Variants in DOCK5 observed in about 807,000 individuals in gnomAD.
DOCK5 encodes dedicator of cytokinesis protein 5.
A neutral mutation model predicts 251.8 loss-of-function variants in DOCK5; 142 were observed. The observed-to-expected ratio is 0.56, with a 90% CI of 0.49 to 0.65. The LOEUF (loss-of-function observed/expected upper bound fraction) is 0.65, where lower values mean the gene tolerates loss of function less well. DOCK5 is among the 30% of genes least tolerant of loss of function. The probability of loss-of-function intolerance (pLI) is 0.00; values close to 1 mark genes in which losing one functional copy is unlikely to be tolerated. For synonymous variants in DOCK5, 842 were observed against 835.5 expected (o/e 1.01, Z -0.13); for missense variants, 2,111 against 2,312.3 (o/e 0.91, Z 1.79).
intron 40 of DOCK5, among the ~76,000 whole-genome samples, chr8:25,383,008 G>C (rs1275339823): frequency 6.6e-6 from 1 of 152,136 alleles, no homozygotes; most frequent in African/African-American, 2.4e-5. Flanking sequence ...CAGTGAAAAA[G>C]GGAAAAACAG....
intron 9 of DOCK5, among the ~76,000 whole-genome samples, chr8:25,301,688 T>C (rs889720678): frequency 9.0e-6 from 1 of 111,532 alleles, no homozygotes; most frequent in Non-Finnish European, 1.9e-5. Context: ...CTGGATAACA[T>C]AGGGAGACCT....
At chr8:25,314,252 C>T (rs1554480930) in intron 13 of DOCK5, among the ~76,000 whole-genome samples, 1 of 151,438 alleles carries the variant, frequency 6.6e-6, no homozygotes, top group Non-Finnish European at 1.5e-5. Context: ...GCCAGGACTA[C>T]AAGCATGAGC....
chr8:25,382,799 C>A, intron 40 of DOCK5, 21 bp downstream of exon 40: 1 of 1,581,894 alleles, frequency 6.3e-7, no homozygotes, highest in South Asian at 1.1e-5. Flanking sequence ...TGATGGTGGT[C>A]TCCCAGGCCA....
At chr8:25,397,634 A>G (rs182140157) in intron 45 of DOCK5, among the ~76,000 whole-genome samples, 2 of 152,348 alleles carry the variant, frequency 1.3e-5, no homozygotes, top group African/African-American at 2.4e-5. Context: ...AAATACTGTA[A>G]TACTTTCAGT....
chr8:25,219,300 C>T (rs1236650238), intron 1 of DOCK5, among the ~76,000 whole-genome samples: 1 of 152,154 alleles, frequency 6.6e-6, no homozygotes, highest in Non-Finnish European at 1.5e-5. Context: ...TCTATGTCCT[C>T]CAATATATCC....
At chr8:25,388,591 G>T (rs1176253773) in intron 40 of DOCK5, among the ~76,000 whole-genome samples, 1 of 152,220 alleles carries the variant, frequency 6.6e-6, no homozygotes, top group Non-Finnish European at 1.5e-5. Context: ...TTCTGTGCCA[G>T]AAGACACATT....
intron 5 of DOCK5, among the ~76,000 whole-genome samples, chr8:25,291,586 G>A (rs1250387491): frequency 1.3e-5 from 2 of 151,596 alleles, no homozygotes; most frequent in Non-Finnish European, 2.9e-5. Flanking sequence ...AGGAGGCTGA[G>A]GCAGGAGAAT....
chr8:25,260,386 A>G (rs976657818), intron 2 of DOCK5, among the ~76,000 whole-genome samples: 6 of 151,486 alleles, frequency 4.0e-5, no homozygotes, highest in Non-Finnish European at 8.8e-5. Context: ...CACACACATA[A>G]TGCAGGTGTA....
intron 1 of DOCK5, among the ~76,000 whole-genome samples, chr8:25,191,283 A>G (rs1174419821): frequency 1.3e-5 from 2 of 152,322 alleles, no homozygotes; most frequent in East Asian, 3.9e-4. Context: ...AAAGTGCGAT[A>G]TGGCCACCGA....
At chr8:25,190,767 T>C (rs1480888019) in intron 1 of DOCK5, among the ~76,000 whole-genome samples, 1 of 140,194 alleles carries the variant, frequency 7.1e-6, no homozygotes, top group Non-Finnish European at 1.5e-5. Context: ...GGCCTTAACT[T>C]GGTCATGGGT....
chr8:25,268,737 A>G (rs1803829150), intron 2 of DOCK5, 108 bp from the exon 3 acceptor site: 1 of 879,564 alleles, frequency 1.1e-6, no homozygotes, highest in Non-Finnish European at 1.7e-6. Context: ...GTCTCTGTCA[A>G]CTGTTGTATC....
At chr8:25,363,728 C>G (rs529617118) in intron 29 of DOCK5, among the ~76,000 whole-genome samples, 5 of 152,226 alleles carry the variant, frequency 3.3e-5, no homozygotes, top group Non-Finnish European at 7.3e-5. Flanking sequence ...TGTATGCTAC[C>G]TGTACTCCAA....
At chr8:25,392,119 C>A in intron 43 of DOCK5, 139 bp downstream of exon 43, 1 of 761,340 alleles carries the variant, frequency 1.3e-6, no homozygotes. Context: ...CTGGCTAATA[C>A]GGTGAAACCC....
In DOCK5 at chr8:25,414,889, T is replaced by C. The variant is rs1428739374; in HGVS notation, c.*3591T>C. 3 of 129,010 alleles carry C rather than the reference T, an allele frequency of 2.3e-5. No homozygotes were observed. Among genetic ancestry groups the C allele is most frequent in the African/African-American group, 8.3e-5 (3 of 35,948 alleles). The allele number at this position is 129,010 out of a possible 1,614,324, so 8.0% of individuals were successfully genotyped here. ...GTGCACCTTTTAACAAGTCAATTTG[T>C]AGTCAGTCCCTGGGCCTGTCTTTTT... On this transcript the variant is annotated 3_prime_UTR_variant, in exon 52 of 52. Transcript: ENST00000276440.
intron 1 of DOCK5, among the ~76,000 whole-genome samples, chr8:25,187,797 C>T (rs114813694): frequency 1.2e-4 from 19 of 152,254 alleles, no homozygotes; most frequent in African/African-American, 4.6e-4. Context: ...TCCTTTGGGA[C>T]TTTGCTCCCA....
rs1801553413 is a variant in DOCK5 at position 25,408,039 on chromosome 8, A to G, written c.5150A>G (p.Asp1717Gly). 6.2e-7 allele frequency: 1 copy of G among 1,612,216 alleles called. No homozygotes were observed. Among genetic ancestry groups the G allele is most frequent in the Non-Finnish European group, 8.5e-7 (1 of 1,179,182 alleles). ...GCCTCGTCAGGTGCCAGAGTTGAAG[A>G]TCTGTCCCTTAGAGAGGAGAACAGC... Reference protein sequence around the residue: ...RRASSGARVEDLSLREENSEN... With the variant: ...RRASSGARVEGLSLREENSEN... The change falls in exon 49 of 52, where the codon GAT (aspartate) becomes GGT (glycine). Residue 1717 changes from aspartate (D) to glycine (G), a missense_variant. Around this residue, in one of 3 missense-constraint regions of DOCK5, gnomAD observed 1,717 missense variants for 1,892.4 expected, o/e 0.91. Coordinates refer to ENST00000276440, the MANE Select transcript of DOCK5 (RefSeq NM_024940.8).
Position 25,369,611 on chromosome 8 carries a change from A to G in DOCK5, c.3494A>G (p.Asp1165Gly). 2 of 1,611,404 alleles carry G rather than the reference A, an allele frequency of 1.2e-6. No homozygotes were observed. Among genetic ancestry groups the G allele is most frequent in the Non-Finnish European group, 1.7e-6 (2 of 1,178,794 alleles). ...CAGGAGGTAGAAGGGGGCAGAGGAG[A>G]CGAACAATACAAGGTTCTTCTGGAA... ...LDQEVEGGRG[D>G]EQYKVLLEKL... Residue 1165 changes from aspartate (D) to glycine (G), a missense_variant, in exon 34 of 52, where the codon GAC (aspartate) becomes GGC (glycine). Asp to Gly is a moderately conservative substitution (Grantham distance 94, BLOSUM62 -1). Coordinates refer to ENST00000276440, the MANE Select transcript of DOCK5 (RefSeq NM_024940.8).
At chr8:25,384,327 T>A (rs1801121033) in intron 40 of DOCK5, among the ~76,000 whole-genome samples, 1 of 152,156 alleles carries the variant, frequency 6.6e-6, no homozygotes, top group Non-Finnish European at 1.5e-5. Context: ...GTGAAACTGT[T>A]CTGTATCTTG....
chr8:25,375,053 T>C (rs1200910349), intron 37 of DOCK5: 1 of 963,428 alleles, frequency 1.0e-6, no homozygotes, highest in Non-Finnish European at 1.3e-6. Context: ...TGTTGTGGTT[T>C]AGATATAAAT....
Sources: gnomAD v4.1 joint callset for allele counts (sites outside exome capture counted in the v4.1 genomes callset) on GRCh38, gnomAD v4.1.1 for gene constraint, gnomAD v4.1.1 regional missense constraint, MANE v1.5 for transcripts, NCBI Gene and HGNC (gene_info 2026-07-23, HGNC 2026-07-21) for gene names.